CCDC198: variants seen among roughly 807,000 people sequenced by gnomAD.
CCDC198 encodes the protein coiled-coil domain containing 198.
In CCDC198, 18 loss-of-function variants were observed where a neutral mutation model predicts 35.6. That is an observed-to-expected ratio of 0.51 (90% CI 0.35 to 0.75). The LOEUF (loss-of-function observed/expected upper bound fraction) is 0.75, where lower values mean the gene tolerates loss of function less well. Among genes scored for constraint, CCDC198 ranks in the 30% least tolerant of loss-of-function variants. CCDC198 has a pLI of 0.01. For missense variants in CCDC198, 365 were observed against 343.7 expected, an observed-to-expected ratio of 1.06 and a Z score of -0.49; for synonymous variants, 119 against 113.4, an observed-to-expected ratio of 1.05 and a Z score of -0.31.
intron 5 of CCDC198, chr14:57,475,226 A>C (rs926787387): frequency 2.1e-6 from 1 of 472,240 alleles, no homozygotes; most frequent in Non-Finnish European, 2.8e-6. Flanking sequence ...GTGCCACTGC[A>C]CTCCAGCCTG....
At chr14:57,482,989 C>T in intron 3 of CCDC198, 76 bp downstream of exon 3, 1 of 1,595,994 alleles carries the variant, frequency 6.3e-7, no homozygotes, top group Non-Finnish European at 8.6e-7. Context: ...ATGAAAGGAC[C>T]AGTGTGCTCC....
chr14:57,478,371 C>G (rs1375148525), intron 5 of CCDC198: 1 of 760,866 alleles, frequency 1.3e-6, no homozygotes, highest in Non-Finnish European at 1.6e-6. Context: ...CGAATAGTAG[C>G]TCCTACCTTC....
chr14:57,482,980 TG>T, intron 3 of CCDC198, 84 bp downstream of exon 3: 1 of 1,581,966 alleles, frequency 6.3e-7, no homozygotes, highest in Non-Finnish European at 8.7e-7. Flanking sequence ...AGAGAGTGCA[TG>T]AAAGGACCAG....
intron 5 of CCDC198, among the ~76,000 whole-genome samples, chr14:57,472,228 A>G (rs2066844056): frequency 6.6e-6 from 1 of 152,098 alleles, no homozygotes; most frequent in Admixed American, 6.6e-5. Flanking sequence ...CCTTTAATTC[A>G]AGAATACTCT....
At position 57,471,209 on chromosome 14, in the gene CCDC198, T is replaced by G; in HGVS notation, c.*146A>C. ...ATAGTTAACAGCACATGTGACGGAC[T>G]TGTTAATCATAAGACTCTAAAGATA... On this transcript the variant is annotated 3_prime_UTR_variant, in exon 6 of 6. Transcript: ENST00000216445. 1.6e-6 allele frequency: 1 copy of G among 620,950 alleles called. No individual in the cohort carries two copies. The highest frequency in any genetic ancestry group is 2.8e-6 in the Non-Finnish European group (1 of 361,298). The allele number at this position is 620,950 out of a possible 1,614,324, so 38.5% of individuals were successfully genotyped here.
intron 2 of CCDC198, among the ~76,000 whole-genome samples, chr14:57,489,543 AG>A (rs1156624466): frequency 1.3e-5 from 2 of 152,282 alleles, no homozygotes; most frequent in Non-Finnish European, 2.9e-5. Flanking sequence ...AAGAAAAAAA[AG>A]GCACAGTCTT....
rs540904836 is a variant in CCDC198 at position 57,492,190 on chromosome 14, T to TTGA, written c.224-1122_224-1120dup. Among the ~76,000 whole-genome samples the TTGA allele has an allele frequency of 9.1e-4, 139 of 152,092 alleles. 2 individuals carry two copies. Among genetic ancestry groups the TTGA allele is most frequent in the East Asian group, 6.8e-3 (35 of 5,170 alleles). The stretch of plus-strand genomic sequence containing the variant: ...TACCCCTGATTACAAGTGAAAAAAA[T>TTGA]TGATGAAGTAACTTGCCCAAGGTCA... On this transcript the variant is annotated intron_variant, in intron 1 of 5. Transcript: ENST00000216445.
At chr14:57,478,125 A>G (rs1409122040) in intron 5 of CCDC198, among the ~76,000 whole-genome samples, 2 of 152,134 alleles carry the variant, frequency 1.3e-5, no homozygotes, top group African/African-American at 2.4e-5. Flanking sequence ...TCTACACTCC[A>G]TCACTTCCAG....
intron 2 of CCDC198, among the ~76,000 whole-genome samples, chr14:57,485,510 G>A (rs75320729): frequency 4.3e-4 from 66 of 152,308 alleles, no homozygotes; most frequent in Middle Eastern, 3.4e-3. Flanking sequence ...ATTATTAAGG[G>A]GGTAGATTTG....
At chr14:57,488,612 T>C (rs970829786) in intron 2 of CCDC198, among the ~76,000 whole-genome samples, 1 of 152,150 alleles carries the variant, frequency 6.6e-6, no homozygotes, top group Non-Finnish European at 1.5e-5. Context: ...GGAGAAAATT[T>C]TTGCAGTCTA....
rs145175479 is a variant in CCDC198, at chr14:57,477,667, G to C, written c.655+2928C>G. ...ACCATCAACCTAGAGATTCAGATTC[G>C]GTAGGATGAAGCTGGGAGACAGGAC... is the stretch of plus-strand genomic sequence containing the variant. On this transcript the variant is annotated intron_variant, in intron 5 of 5. Coordinates refer to ENST00000216445, the MANE Select transcript of CCDC198 (RefSeq NM_018168.4). Among the ~76,000 whole-genome samples the C allele has an allele frequency of 9.9e-5, 15 of 152,178 alleles. No homozygotes were observed. In the South Asian group the frequency reaches 1.9e-3, roughly 19 times the overall value.
intron 1 of CCDC198, among the ~76,000 whole-genome samples, chr14:57,492,180 G>T (rs551214462): frequency 3.0e-4 from 45 of 151,960 alleles, no homozygotes; most frequent in African/African-American, 1.1e-3. Context: ...CTGATTACAA[G>T]TGAAAAAAAT....
rs1048797219 is a variant in CCDC198 at position 57,470,817 on chromosome 14, G to A, written c.*538C>T. 1 of 152,888 alleles carries A rather than the reference G, an allele frequency of 6.5e-6. No individual in the cohort carries two copies. The highest frequency in any genetic ancestry group is 2.4e-5 in the African/African-American group (1 of 41,464). 9.5% of individuals were successfully genotyped at this position (152,888 alleles called of 1,614,324 possible). Reference sequence around the variant, plus strand: ...CAGAACATGGTGGAAGTGATGCAAAGTCAGTTCTATGACTAGCTTTTAAGA... The same window carrying A: ...CAGAACATGGTGGAAGTGATGCAAAATCAGTTCTATGACTAGCTTTTAAGA... On this transcript the variant is annotated 3_prime_UTR_variant, in exon 6 of 6. Coordinates refer to ENST00000216445, the MANE Select transcript of CCDC198 (RefSeq NM_018168.4).
At chr14:57,478,905 A>G (rs967131088) in intron 5 of CCDC198, 2 of 1,250,748 alleles carry the variant, frequency 1.6e-6, no homozygotes, top group East Asian at 1.1e-4. Context: ...CTCCAGAGAC[A>G]TAGCCAGCTT....
At position 57,471,278 on chromosome 14, in the gene CCDC198, C is replaced by T; in HGVS notation, c.*77G>A. 1 of 1,034,434 alleles carries T rather than the reference C, an allele frequency of 9.7e-7. No homozygotes were observed. Among genetic ancestry groups the T allele is most frequent in the East Asian group, 2.4e-5 (1 of 41,044 alleles). The allele number at this position is 1,034,434 out of a possible 1,614,324, so 64.1% of individuals were successfully genotyped here. ...GTGATTTGCTGTCCTCAAAGTAATT[C>T]ATATATCAGTTTGGAAGATTTTGAG... On this transcript the variant is annotated 3_prime_UTR_variant, in exon 6 of 6. Coordinates refer to ENST00000216445, the MANE Select transcript of CCDC198 (RefSeq NM_018168.4).
At chr14:57,484,736 G>T (rs1364166869) in intron 2 of CCDC198, among the ~76,000 whole-genome samples, 2 of 152,214 alleles carry the variant, frequency 1.3e-5, no homozygotes, top group Non-Finnish European at 2.9e-5. Context: ...GCCAGGTCAT[G>T]CAGGGCCTGA....
At chr14:57,483,667 C>A (rs1460225531) in intron 2 of CCDC198, among the ~76,000 whole-genome samples, 2 of 152,050 alleles carry the variant, frequency 1.3e-5, no homozygotes. Context: ...TAGAGATGTC[C>A]TTTTCTAGCA....
intron 5 of CCDC198, among the ~76,000 whole-genome samples, chr14:57,476,870 A>G (rs984102579): frequency 1.3e-5 from 2 of 152,234 alleles, no homozygotes; most frequent in Middle Eastern, 3.2e-3. Context: ...AAAGCGAACT[A>G]CTTTTAGAAG....
chr14:57,493,326 C>T (rs268814), intron 1 of CCDC198, among the ~76,000 whole-genome samples, 167 bp downstream of exon 1: 44,508 of 152,050 alleles, frequency 0.29, 8,413 homozygotes, highest in African/African-American at 0.54. Flanking sequence ...ATACTTTCAA[C>T]TGATGTTCAA....
Sources: gnomAD v4.1 joint callset for allele counts (sites outside exome capture counted in the v4.1 genomes callset) on GRCh38, gnomAD v4.1.1 for gene constraint, MANE v1.5 for transcripts, NCBI Gene and HGNC (gene_info 2026-07-23, HGNC 2026-07-21) for gene names.